Variants in RNF19B observed in about 807,000 individuals in gnomAD.
RNF19B encodes E3 ubiquitin-protein ligase RNF19B.
In RNF19B, 23 loss-of-function variants were observed where a neutral mutation model predicts 65.5. The observed-to-expected ratio is 0.35, with a 90% CI of 0.25 to 0.50. RNF19B has a LOEUF of 0.50. RNF19B is among the 20% of genes least tolerant of loss of function. The pLI is 0.98. For synonymous variants in RNF19B, 372 were observed against 379.6 expected, an observed-to-expected ratio of 0.98 and a Z score of 0.23; for missense variants, 794 against 980.0, an observed-to-expected ratio of 0.81 and a Z score of 2.53.
chr1:32,937,888 T>C (rs1642141894), intron 8 of RNF19B, among the ~76,000 whole-genome samples: 1 of 151,950 alleles, frequency 6.6e-6, no homozygotes, highest in Non-Finnish European at 1.5e-5. Context: ...CATGCTAGCT[T>C]ACTCAAAATA....
At chr1:32,946,240 T>C (rs1439652902) in intron 4 of RNF19B, among the ~76,000 whole-genome samples, 162 bp downstream of exon 4, 1 of 152,196 alleles carries the variant, frequency 6.6e-6, no homozygotes, top group Non-Finnish European at 1.5e-5. Context: ...TCAGATCTCA[T>C]GGGGGTTTAT....
intron 7 of RNF19B, among the ~76,000 whole-genome samples, chr1:32,939,523 G>A (rs1642183243): frequency 6.6e-6 from 1 of 152,160 alleles, no homozygotes; most frequent in African/African-American, 2.4e-5. Flanking sequence ...CTCCACAAAA[G>A]GAGAGACCAC....
At chr1:32,935,329 G>A (rs1173743282), downstream of RNF19B, among the ~76,000 whole-genome samples, 1 of 151,714 alleles carries the variant, frequency 6.6e-6, no homozygotes, top group African/African-American at 2.4e-5. Context: ...GTAGAAACGG[G>A]GGTTTCACCA....
At chr1:32,949,454 C>T in intron 2 of RNF19B, 115 bp downstream of exon 2, 1 of 759,514 alleles carries the variant, frequency 1.3e-6, no homozygotes, top group Non-Finnish European at 2.2e-6. Flanking sequence ...ATGATATTTT[C>T]TGCTCTCTGA....
In RNF19B at chr1:32,940,220, G is replaced by A. The variant is rs557237874; in HGVS notation, c.1611-1692C>T. On this transcript the variant is annotated intron_variant, in intron 7 of 8. Coordinates refer to ENST00000235150, the MANE Select transcript of RNF19B (RefSeq NM_001300826.2). ...AGAAAGGGCTCCTACTTAGGTGGTT[G>A]TCAGATGCTGGTTCATGCAACGGCT... 2.2e-3 allele frequency among the ~76,000 whole-genome samples: 341 copies of A among 152,370 alleles called. 1 individual carries two copies. Among genetic ancestry groups the A allele is most frequent in the Non-Finnish European group, 3.6e-3 (242 of 68,038 alleles).
intron 1 of RNF19B, among the ~76,000 whole-genome samples, chr1:32,953,834 T>G (rs1232295710): frequency 6.6e-6 from 1 of 151,666 alleles, no homozygotes; most frequent in African/African-American, 2.4e-5. Flanking sequence ...CCTTGAACAC[T>G]TCATCATCCA....
intron 1 of RNF19B, among the ~76,000 whole-genome samples, chr1:32,952,426 T>C (rs1445126006): frequency 1.2e-4 from 13 of 108,610 alleles, no homozygotes; most frequent in African/African-American, 5.1e-4. Flanking sequence ...AGACCTTTTC[T>C]CTTAAAAAAA....
At chr1:32,932,405 C>A (rs1017303779), downstream of RNF19B, among the ~76,000 whole-genome samples, 2 of 152,182 alleles carry the variant, frequency 1.3e-5, no homozygotes, top group Non-Finnish European at 1.5e-5. Context: ...CTAAAGATAA[C>A]CCCTGAATCA....
At chr1:32,962,957 A>C (rs933681416) in intron 1 of RNF19B, among the ~76,000 whole-genome samples, 1 of 152,202 alleles carries the variant, frequency 6.6e-6, no homozygotes, top group East Asian at 1.9e-4. Context: ...CTGGTGTATT[A>C]TGTCTCTGCA....
At position 32,938,425 on chromosome 1, in the gene RNF19B, T is replaced by G. The variant is rs1642159207; in HGVS notation, c.1714A>C (p.Ile572Leu). Residue 572 changes from isoleucine (I) to leucine (L), a missense_variant, in exon 8 of 9, where the codon ATA (isoleucine) becomes CTA (leucine). Physicochemically the swap from Ile to Leu is conservative, Grantham distance 5. Coordinates refer to ENST00000235150, the MANE Select transcript of RNF19B (RefSeq NM_001300826.2). ...TCCTGTGGGTTGTAGGAACTGATTA[T>G]GGAACCGGCCATAGCACGAGTGCTT... ...NASTRAMAGSIISSYNPQDRE... is the reference protein window; with the variant it reads ...NASTRAMAGSLISSYNPQDRE... 2 of 1,614,106 alleles carry G rather than the reference T, an allele frequency of 1.2e-6. No individual in the cohort carries two copies. The highest frequency in any genetic ancestry group is 3.3e-5 in the Admixed American group (2 of 60,004).
the RNF19B span, among the ~76,000 whole-genome samples, chr1:32,930,665 C>G: frequency 1.1e-4 from 16 of 152,232 alleles, no homozygotes; most frequent in Admixed American, 1.0e-3. Context: ...ACCTCAGCCT[C>G]CCAGAGTGCT....
At chr1:32,934,095 C>T (rs996832161), downstream of RNF19B, among the ~76,000 whole-genome samples, 2 of 152,204 alleles carry the variant, frequency 1.3e-5, no homozygotes, top group Admixed American at 1.3e-4. Context: ...AAGTACACGC[C>T]CCCTTCAGGG....
At chr1:32,949,133 C>G (rs1642431634) in intron 2 of RNF19B, among the ~76,000 whole-genome samples, 1 of 152,216 alleles carries the variant, frequency 6.6e-6, no homozygotes, top group Non-Finnish European at 1.5e-5. Flanking sequence ...AATCATTAAT[C>G]TATACTAATA....
At chr1:32,930,165 A>C in the RNF19B span, among the ~76,000 whole-genome samples, 1 of 152,306 alleles carries the variant, frequency 6.6e-6, no homozygotes, top group African/African-American at 2.4e-5. Context: ...GCTGGAGTGC[A>C]GTGGCATGAT....
chr1:32,942,277 A>T lies in RNF19B; in HGVS notation c.1585T>A (p.Ser529Thr). 1 of 1,611,346 alleles carries T rather than the reference A, an allele frequency of 6.2e-7. No homozygotes were observed. The highest frequency in any genetic ancestry group is 1.1e-5 in the South Asian group (1 of 91,010). Residue 529 changes from serine (S) to threonine (T), a missense_variant, in exon 7 of 9, where the codon TCC (serine) becomes ACC (threonine). Around this residue, in one of 3 missense-constraint regions of RNF19B, gnomAD observed 368 missense variants for 447.3 expected, o/e 0.82. Coordinates refer to ENST00000235150, the MANE Select transcript of RNF19B (RefSeq NM_001300826.2). ...CTGCTATATTTTCCCTTGCCACTGG[A>T]GAGAATGCCGCCACTCAGCGTGCCC... ...SGGTLSGGILSSGKGKYSRLE... is the reference protein window; with the variant it reads ...SGGTLSGGILTSGKGKYSRLE...
chr1:32,936,853 C>T lies in RNF19B; in HGVS notation c.2149G>A (p.Glu717Lys), dbSNP rs371235809. Residue 717 changes from glutamate (E) to lysine (K), a missense_variant, in exon 9 of 9, where the codon GAG becomes AAG. By Grantham distance (56) the Glu-to-Lys change is moderately conservative. Around this residue, in one of 3 missense-constraint regions of RNF19B, gnomAD observed 368 missense variants for 447.3 expected, o/e 0.82. Coordinates refer to ENST00000235150, the MANE Select transcript of RNF19B (RefSeq NM_001300826.2). ...SAHMNLSALA[E>K]GQTVLKPEGG... ...TCTGGCTTCAAGACAGTTTGTCCCT[C>T]GGCTAGGGCAGAGAGGTTCATATGG... 4.9e-5 allele frequency: 79 copies of T among 1,596,550 alleles called. No homozygotes were observed. The Admixed American group carries it at 5.6e-4, about 11-fold the overall frequency.
downstream of RNF19B, among the ~76,000 whole-genome samples, chr1:32,936,286 T>C (rs1041207904): frequency 2.6e-5 from 4 of 152,236 alleles, no homozygotes; most frequent in African/African-American, 9.6e-5. Flanking sequence ...CTTCCTGTCA[T>C]GCTAGGAGTC....
At position 32,949,759 on chromosome 1, in the gene RNF19B, G is replaced by A. The variant is rs367998939; in HGVS notation, c.651C>T (p.Ala217=). 22 of 1,613,600 alleles carry A rather than the reference G, an allele frequency of 1.4e-5. No individual in the cohort carries two copies. Among genetic ancestry groups the A allele is most frequent in the African/African-American group, 8.0e-5 (6 of 74,900 alleles). Residue 217 remains alanine (A), a synonymous_variant, in exon 2 of 9, where the codon GCC becomes GCT. Coordinates refer to ENST00000235150, the MANE Select transcript of RNF19B (RefSeq NM_001300826.2). The part of the protein sequence containing the change: ...PAPDCGYAVI[A]YGCASCPKLT... ...GCTTCGGGCAGCTGGCACAGCCATA[G>A]GCAATAACAGCATAACTAGGTAAGG...
chr1:32,945,542 T>C lies in RNF19B; in HGVS notation c.1233A>G (p.Ala411=). ...CACTAACTGCAGCAATAACTGGGGA[T>C]GCAATGACCGACAAAGTCACTCCTC... is the stretch of plus-strand genomic sequence containing the variant. ...ITGGVTLSVI[A]SPVIAAVSVG... The change falls in exon 5 of 9, where the codon GCA becomes GCG. Residue 411 remains alanine, a synonymous_variant. Transcript: ENST00000235150. 1 of 1,613,262 alleles carries C rather than the reference T, an allele frequency of 6.2e-7. No individual in the cohort carries two copies. Among genetic ancestry groups the C allele is most frequent in the Non-Finnish European group, 8.5e-7 (1 of 1,179,248 alleles).
Sources: allele counts gnomAD v4.1 joint callset (sites outside exome capture counted in the v4.1 genomes callset), GRCh38; gene constraint gnomAD v4.1.1; regional missense constraint gnomAD v4.1.1; transcripts MANE v1.5; gene names NCBI Gene and HGNC (gene_info 2026-07-23, HGNC 2026-07-21).